Variants in RAB7A observed in about 807,000 individuals in gnomAD.
The protein encoded by RAB7A is ras-related protein Rab-7a.
RAB7A carries 2 observed loss-of-function variants against 24.5 expected under a neutral mutation model. The observed-to-expected ratio is 0.08, with a 90% CI of 0.03 to 0.26. RAB7A has a LOEUF of 0.26. Among genes scored for constraint, RAB7A ranks in the 10% least tolerant of loss-of-function variants. The pLI is 1.00. For synonymous variants in RAB7A, 100 were observed against 95.9 expected (o/e 1.04, Z -0.25); for missense variants, 118 against 255.7 (o/e 0.46, Z 3.67).
intron 1 of RAB7A, among the ~76,000 whole-genome samples, chr3:128,773,081 C>T (rs545304942): frequency 4.6e-5 from 7 of 152,242 alleles, no homozygotes; most frequent in Non-Finnish European, 1.0e-4. Flanking sequence ...CCCCTCTGCC[C>T]GGCTGCCCAG....
chr3:128,731,374 T>A (rs2070434932), intron 1 of RAB7A, among the ~76,000 whole-genome samples: 1 of 152,234 alleles, frequency 6.6e-6, no homozygotes, highest in Non-Finnish European at 1.5e-5. Context: ...ATCCCTGAGA[T>A]AACTGCGGGT....
chr3:128,795,748 G>T (rs1576298919), intron 2 of RAB7A, among the ~76,000 whole-genome samples: 3 of 12,190 alleles, frequency 2.5e-4, no homozygotes, highest in Admixed American at 2.4e-3. Context: ...CGTAGCAGAT[G>T]TGCTTTTTTT....
intron 1 of RAB7A, among the ~76,000 whole-genome samples, chr3:128,787,393 T>G (rs1933362211): frequency 6.6e-6 from 1 of 152,230 alleles, no homozygotes; most frequent in Admixed American, 6.5e-5. Flanking sequence ...GTTTCCAAAC[T>G]TGGTGTGTAT....
intron 1 of RAB7A, among the ~76,000 whole-genome samples, chr3:128,777,448 C>A (rs932815509): frequency 5.3e-5 from 8 of 152,148 alleles, no homozygotes; most frequent in African/African-American, 1.9e-4. Flanking sequence ...GCAGTCCTCG[C>A]AATGTATTGG....
intron 1 of RAB7A, among the ~76,000 whole-genome samples, chr3:128,737,142 C>T (rs566659057): frequency 1.6e-3 from 235 of 151,418 alleles, no homozygotes; most frequent in African/African-American, 5.4e-3. Context: ...GGTTCACGCC[C>T]TTCTCCTGCC....
intron 1 of RAB7A, among the ~76,000 whole-genome samples, chr3:128,773,943 C>T (rs376217704): frequency 2.0e-5 from 3 of 148,542 alleles, no homozygotes; most frequent in East Asian, 3.9e-4. Context: ...ACAAACACTG[C>T]GGAAGGCCTC....
chr3:128,734,935 A>C (rs2070476295), intron 1 of RAB7A, among the ~76,000 whole-genome samples: 1 of 152,162 alleles, frequency 6.6e-6, no homozygotes, highest in African/African-American at 2.4e-5. Context: ...AATATTACTA[A>C]GCTTTTGTTT....
intron 1 of RAB7A, among the ~76,000 whole-genome samples, chr3:128,746,194 C>T (rs780776222): frequency 7.3e-4 from 111 of 152,346 alleles, no homozygotes; most frequent in Non-Finnish European, 1.2e-3. Flanking sequence ...TTATTTCTCT[C>T]TCCCACCACC....
At chr3:128,799,243 T>A (rs1933643990) in intron 3 of RAB7A, 1 of 141,398 alleles carries the variant, frequency 7.1e-6, no homozygotes, top group Admixed American at 7.0e-5. Flanking sequence ...TAGCTGTTAC[T>A]CACTTTTTTT....
intron 1 of RAB7A, among the ~76,000 whole-genome samples, chr3:128,774,473 T>TC (rs1933032608): frequency 6.6e-6 from 1 of 151,964 alleles, no homozygotes; most frequent in Admixed American, 6.6e-5. Flanking sequence ...TTTTTTTTTT[T>TC]CTCCCAGAAA....
intron 1 of RAB7A, among the ~76,000 whole-genome samples, chr3:128,767,212 T>G (rs1439308581): frequency 1.3e-5 from 2 of 152,182 alleles, no homozygotes; most frequent in Admixed American, 1.3e-4. Flanking sequence ...GAGGAGTTGC[T>G]GGGTTTGAGT....
chr3:128,786,409 CCTT>C (rs142916426), intron 1 of RAB7A, among the ~76,000 whole-genome samples: 6,299 of 151,960 alleles, frequency 0.041, 177 homozygotes, highest in Non-Finnish European at 0.058. Flanking sequence ...CTCCTCATGA[CCTT>C]CTCCAAAACT....
At chr3:128,737,464 C>T (rs887626100) in intron 1 of RAB7A, among the ~76,000 whole-genome samples, 1 of 151,766 alleles carries the variant, frequency 6.6e-6, no homozygotes, top group African/African-American at 2.4e-5. Context: ...CCACCTCAGC[C>T]TCCCAAGTAG....
chr3:128,778,719 G>C (rs1933149209), intron 1 of RAB7A, among the ~76,000 whole-genome samples: 1 of 152,138 alleles, frequency 6.6e-6, no homozygotes, highest in Non-Finnish European at 1.5e-5. Context: ...CAAAGATACA[G>C]ACATTTAAAG....
chr3:128,798,984 T>C (rs1049668722), intron 3 of RAB7A: 4 of 184,456 alleles, frequency 2.2e-5, no homozygotes. Flanking sequence ...TTCTAGATCT[T>C]TGAGTTGCAC....
intron 1 of RAB7A, among the ~76,000 whole-genome samples, chr3:128,774,533 C>T (rs1171468172): frequency 6.6e-6 from 1 of 151,922 alleles, no homozygotes; most frequent in African/African-American, 2.4e-5. Context: ...GCAATCTCGG[C>T]TCACTGTAAC....
chr3:128,734,983 C>T (rs898014856), intron 1 of RAB7A, among the ~76,000 whole-genome samples: 2 of 152,024 alleles, frequency 1.3e-5, no homozygotes. Flanking sequence ...AGTAAGTTAC[C>T]GTTTATAGCA....
chr3:128,792,817 TTTTA>T (rs71618167), intron 1 of RAB7A, among the ~76,000 whole-genome samples: 69,543 of 137,104 alleles, frequency 0.51, 18,234 homozygotes, highest in Non-Finnish European at 0.57. Context: ...CCGAGCTAAT[TTTTA>T]TTTATTTATT....
intron 1 of RAB7A, among the ~76,000 whole-genome samples, chr3:128,746,719 C>T (rs1172764911): frequency 1.3e-5 from 2 of 151,470 alleles, no homozygotes; most frequent in South Asian, 2.1e-4. Flanking sequence ...TTAGTAGAGA[C>T]GGGGTTTCAC....
Sources: allele counts gnomAD v4.1 joint callset (sites outside exome capture counted in the v4.1 genomes callset), GRCh38; gene constraint gnomAD v4.1.1; transcripts MANE v1.5; gene names NCBI Gene and HGNC (gene_info 2026-07-23, HGNC 2026-07-21).